The following HOOK1 variants were observed in gnomAD, a reference collection of about 807,000 sequenced individuals.
The protein encoded by HOOK1 is protein Hook homolog 1.
A neutral mutation model predicts 112.8 loss-of-function variants in HOOK1; 60 were observed. The ratio of observed to expected loss-of-function variants is 0.53; its 90% CI spans 0.43 to 0.66. The LOEUF (loss-of-function observed/expected upper bound fraction) is 0.66. Ranked by LOEUF, HOOK1 falls within the 30% of genes least tolerant of loss-of-function variation. HOOK1 has a pLI of 0.00. For synonymous variants in HOOK1, 294 were observed against 283.8 expected (o/e 1.04, Z -0.36); for missense variants, 770 against 856.0 (o/e 0.90, Z 1.25).
chr1:59,868,447 A>C, intron 20 of HOOK1, 96 bp downstream of exon 20: 1 of 797,300 alleles, frequency 1.3e-6, no homozygotes, highest in Non-Finnish European at 2.1e-6. Context: ...AAGTTTTACA[A>C]GAAGTTAAAA....
intron 17 of HOOK1, 184 bp from the exon 18 acceptor site, chr1:59,864,979 A>G (rs111831145): frequency 4.4e-4 from 256 of 575,510 alleles, no homozygotes; most frequent in African/African-American, 4.3e-3. Flanking sequence ...GGCAAGGGAA[A>G]TAATTTAACC....
Position 59,860,294 on chromosome 1 carries a change from C to T in HOOK1, c.1498C>T (p.His500Tyr). ...EELQEQLEQK[H>Y]RKMNELETEQ... ...ACTTCAGGAGCAGCTAGAACAGAAA[C>T]ACCGTAAAATGAATGAACTGGAAAC... The change falls in exon 15 of 22, where the codon CAC (histidine) becomes TAC (tyrosine). Residue 500 changes from histidine to tyrosine, a missense_variant. Physicochemically the swap from His to Tyr is moderately conservative, Grantham distance 83. Around this residue, in one of 3 missense-constraint regions of HOOK1, gnomAD observed 655 missense variants for 725.9 expected, o/e 0.90. Coordinates refer to ENST00000371208, the MANE Select transcript of HOOK1 (RefSeq NM_015888.6). The T allele has an allele frequency of 6.2e-7, 1 of 1,607,840 alleles. No homozygotes were observed. The highest frequency in any genetic ancestry group is 2.2e-5 in the East Asian group (1 of 44,528).
At position 59,832,161 on chromosome 1, in the gene HOOK1, AG is replaced by A; in HGVS notation, c.223del. On this transcript the variant is annotated splice_acceptor_variant, in intron 3 of 21. Transcript: ENST00000371208. LOFTEE classifies it high-confidence loss of function. ...AAGAATCTCTTATTTTTTTCACATT[AG>A]GCCAGTAATGTAAAGAAGGTCCTTC... 1 of 1,460,738 alleles carries A rather than the reference AG, an allele frequency of 6.8e-7. No individual in the cohort carries two copies. Among genetic ancestry groups the A allele is most frequent in the Non-Finnish European group, 9.4e-7 (1 of 1,065,400 alleles). The allele number at this position is 1,460,738 out of a possible 1,614,324, so 90.5% of individuals were successfully genotyped here.
intron 3 of HOOK1, among the ~76,000 whole-genome samples, chr1:59,831,608 G>T (rs760452364): frequency 1.3e-5 from 2 of 152,138 alleles, no homozygotes; most frequent in Non-Finnish European, 2.9e-5. Context: ...AATTCAAACT[G>T]CCCAGGCCTT....
chr1:59,856,080 A>G (rs1344296066), intron 12 of HOOK1, among the ~76,000 whole-genome samples: 1 of 128,746 alleles, frequency 7.8e-6, no homozygotes, highest in African/African-American at 3.0e-5. Context: ...TCAGCCTCCC[A>G]TAGTGAATTG....
In HOOK1 at chr1:59,847,119, G is replaced by A; in HGVS notation, c.863G>A (p.Arg288Lys). The stretch of plus-strand genomic sequence containing the variant: ...AAGCAGCTAATCGAATTCCAGCATA[G>A]GAATGATGAATTGACTAGTCTTGCA... ...LEKQLIEFQH[R>K]NDELTSLAEE... Residue 288 changes from arginine (R) to lysine (K), a missense_variant, in exon 10 of 22, where the codon AGG becomes AAG. Coordinates refer to ENST00000371208, the MANE Select transcript of HOOK1 (RefSeq NM_015888.6). The A allele has an allele frequency of 6.2e-7, 1 of 1,608,208 alleles. No homozygotes were observed. Among genetic ancestry groups the A allele is most frequent in the East Asian group, 2.2e-5 (1 of 44,606 alleles).
intron 10 of HOOK1, among the ~76,000 whole-genome samples, chr1:59,847,720 A>G (rs551428203): frequency 7.3e-5 from 11 of 151,594 alleles, no homozygotes; most frequent in African/African-American, 2.4e-4. Context: ...ATTTTTCTTA[A>G]TTATTTTTTG....
At chr1:59,850,147 A>G (rs868073532) in intron 12 of HOOK1, among the ~76,000 whole-genome samples, 6 of 151,492 alleles carry the variant, frequency 4.0e-5, no homozygotes, top group Admixed American at 1.3e-4. Flanking sequence ...TTATGTACTT[A>G]TTAGCCATTT....
At chr1:59,853,672 T>C (rs1433032601) in intron 12 of HOOK1, among the ~76,000 whole-genome samples, 1 of 151,948 alleles carries the variant, frequency 6.6e-6, no homozygotes, top group Non-Finnish European at 1.5e-5. Flanking sequence ...ATTTTTCTAC[T>C]ACTGCCTTTT....
intron 3 of HOOK1, among the ~76,000 whole-genome samples, chr1:59,831,089 C>T (rs7532288): frequency 0.057 from 8,602 of 151,610 alleles, 598 homozygotes; most frequent in African/African-American, 0.16. Context: ...TGAGTAGAGG[C>T]GGGGTTTCGC....
At chr1:59,819,633 A>G (rs2102001101) in intron 1 of HOOK1, among the ~76,000 whole-genome samples, 1 of 152,306 alleles carries the variant, frequency 6.6e-6, no homozygotes, top group Non-Finnish European at 1.5e-5. Flanking sequence ...GTGGTCATGG[A>G]GGTAGTCCCT....
In HOOK1 at chr1:59,845,795, G is replaced by C. The variant is rs187111841; in HGVS notation, c.789-1250G>C. Among the ~76,000 whole-genome samples the C allele has an allele frequency of 1.8e-4, 28 of 151,862 alleles. No homozygotes were observed. In the East Asian group the frequency reaches 5.2e-3, roughly 28 times the overall value. ...ATAATTTGAAAGAATTTTTATAACTGTCTTTATAATAGATATTGGTCTAAA... is the reference window on the plus strand; with the variant it reads ...ATAATTTGAAAGAATTTTTATAACTCTCTTTATAATAGATATTGGTCTAAA... On this transcript the variant is annotated intron_variant, in intron 9 of 21. Coordinates refer to ENST00000371208, the MANE Select transcript of HOOK1 (RefSeq NM_015888.6).
intron 1 of HOOK1, among the ~76,000 whole-genome samples, chr1:59,818,694 G>C (rs12057379): frequency 6.6e-6 from 1 of 152,146 alleles, no homozygotes; most frequent in Non-Finnish European, 1.5e-5. Flanking sequence ...TGCATTCTTT[G>C]ACAGGCAGAT....
At chr1:59,857,032 A>G (rs551083804) in intron 12 of HOOK1, among the ~76,000 whole-genome samples, 2 of 152,256 alleles carry the variant, frequency 1.3e-5, no homozygotes, top group African/African-American at 4.8e-5. Context: ...CTTGTGTACC[A>G]TAGCCATTAT....
At chr1:59,828,719 T>G in intron 2 of HOOK1, 61 bp from the exon 3 acceptor site, 1 of 1,447,730 alleles carries the variant, frequency 6.9e-7, no homozygotes, top group Non-Finnish European at 9.6e-7. Context: ...GTTGGCTCTA[T>G]TTAATTTTTT....
chr1:59,834,543 C>G (rs536089678), intron 5 of HOOK1, among the ~76,000 whole-genome samples: 63 of 152,080 alleles, frequency 4.1e-4, no homozygotes, highest in Middle Eastern at 6.8e-3. Flanking sequence ...AGTTAAAGAT[C>G]TGTATATTGG....
chr1:59,872,868 C>T lies in HOOK1; in HGVS notation c.2090C>T (p.Ala697Val), dbSNP rs774010985. The T allele has an allele frequency of 1.9e-5, 29 of 1,509,282 alleles. No homozygotes were observed. Among genetic ancestry groups the T allele is most frequent in the Middle Eastern group, 3.4e-4 (2 of 5,862 alleles). The allele number at this position is 1,509,282 out of a possible 1,614,324, so 93.5% of individuals were successfully genotyped here. Reference protein sequence around the residue: ...SGGGACSDTGACTPARSFLAQ... With the variant: ...SGGGACSDTGVCTPARSFLAQ... ...GGTGGTGCCTGCAGTGACACTGGTGCGTGCACTCCTGCGCGGTCTTTCTTA... is the reference window on the plus strand; with the variant it reads ...GGTGGTGCCTGCAGTGACACTGGTGTGTGCACTCCTGCGCGGTCTTTCTTA... The change falls in exon 22 of 22, where the codon GCG (alanine) becomes GTG (valine). Residue 697 changes from alanine (A) to valine (V), a missense_variant. Transcript: ENST00000371208.
At chr1:59,861,806 A>G (rs933240158) in intron 15 of HOOK1, among the ~76,000 whole-genome samples, 1 of 152,210 alleles carries the variant, frequency 6.6e-6, no homozygotes, top group African/African-American at 2.4e-5. Context: ...ATTGAATCCT[A>G]GACACCAACA....
intron 9 of HOOK1, among the ~76,000 whole-genome samples, chr1:59,846,585 T>TCCGTC (rs1553462806): frequency 4.9e-5 from 3 of 61,000 alleles, no homozygotes; most frequent in Non-Finnish European, 9.2e-5. Context: ...CTTCCTTCCT[T>TCCGTC]CCTCCCTCCT....
Sources: allele counts gnomAD v4.1 joint callset (sites outside exome capture counted in the v4.1 genomes callset), GRCh38; gene constraint gnomAD v4.1.1; regional missense constraint gnomAD v4.1.1; transcripts MANE v1.5; gene names NCBI Gene and HGNC (gene_info 2026-07-23, HGNC 2026-07-21).